The following MGST2 variants were observed in gnomAD, a reference collection of about 807,000 sequenced individuals.
MGST2 encodes the protein microsomal glutathione S-transferase 2.
Under a neutral mutation model 16.6 loss-of-function variants are expected in MGST2, and 9 were observed. The observed-to-expected ratio is 0.54, with a 90% CI of 0.33 to 0.95. The LOEUF (loss-of-function observed/expected upper bound fraction) is 0.95, where lower values mean the gene tolerates loss of function less well. MGST2 is among the 40% of genes least tolerant of loss of function. MGST2 has a pLI of 0.03. For synonymous variants in MGST2, 79 were observed against 68.0 expected (o/e 1.16, Z -0.79); for missense variants, 159 against 175.1 (o/e 0.91, Z 0.52).
intron 5 of MGST2, among the ~76,000 whole-genome samples, chr4:139,739,996 T>A (rs894712439): frequency 1.2e-4 from 18 of 152,174 alleles, no homozygotes; most frequent in Admixed American, 2.6e-4. Context: ...ACAGACATGC[T>A]TAAGTGGCAG....
At chr4:139,704,660 T>C (rs1053999495), downstream of MGST2, among the ~76,000 whole-genome samples, 48 of 152,292 alleles carry the variant, frequency 3.2e-4, no homozygotes, top group African/African-American at 1.1e-3. Context: ...TGGTGGCTCA[T>C]GCCTGTAATC....
At chr4:139,731,717 T>C (rs1262688177) in intron 5 of MGST2, among the ~76,000 whole-genome samples, 2 of 152,202 alleles carry the variant, frequency 1.3e-5, no homozygotes, top group Admixed American at 6.5e-5. Context: ...AGTCGAATGA[T>C]GGCAACTTTT....
chr4:139,682,894 A>G (rs556395601), intron 2 of MGST2, among the ~76,000 whole-genome samples: 3 of 152,128 alleles, frequency 2.0e-5, no homozygotes, highest in African/African-American at 7.2e-5. Flanking sequence ...AAGAAACTCA[A>G]CAAAGCGGGA....
chr4:139,713,404 T>A (rs1727810349), intron 5 of MGST2, among the ~76,000 whole-genome samples: 2 of 151,362 alleles, frequency 1.3e-5, no homozygotes, highest in African/African-American at 4.9e-5. Flanking sequence ...TCCTTTGTTT[T>A]TCCCAAGGAG....
rs1010632249 is a variant in MGST2, at chr4:139,704,136, G to A, written c.432G>A (p.Arg144=). The change falls in exon 5 of 5, where the codon AGG becomes AGA. Residue 144 remains arginine, a synonymous_variant. Transcript: ENST00000265498. ...YLDLNIAKKL[R]RQF ...ACCTCAATATTGCCAAGAAACTGAGGCGGCAATTCTAACTTTTTCTCTTCC... is the reference window on the plus strand; with the variant it reads ...ACCTCAATATTGCCAAGAAACTGAGACGGCAATTCTAACTTTTTCTCTTCC... The A allele has an allele frequency of 1.2e-6, 2 of 1,614,090 alleles. No individual in the cohort carries two copies. The highest frequency in any genetic ancestry group is 1.7e-6 in the Non-Finnish European group (2 of 1,180,048).
chr4:139,747,652 C>T, the MGST2 span, among the ~76,000 whole-genome samples: 1 of 151,548 alleles, frequency 6.6e-6, no homozygotes, highest in Non-Finnish European at 1.5e-5. Flanking sequence ...CGAGATAGTG[C>T]CACTGCACTC....
intron 5 of MGST2, chr4:139,725,608 A>G: frequency 1.2e-6 from 1 of 801,050 alleles, no homozygotes; most frequent in Admixed American, 2.1e-5. Flanking sequence ...CTGATTGGTT[A>G]GTACTCTTAA....
downstream of MGST2, among the ~76,000 whole-genome samples, chr4:139,708,832 G>A (rs562153262): frequency 4.0e-5 from 6 of 151,622 alleles, no homozygotes; most frequent in South Asian, 2.1e-4. Context: ...AAGAAATCCC[G>A]TCTCTACTAA....
chr4:139,673,461 G>T (rs1730808955), intron 1 of MGST2, among the ~76,000 whole-genome samples: 1 of 152,082 alleles, frequency 6.6e-6, no homozygotes, highest in African/African-American at 2.4e-5. Flanking sequence ...ACCCAGGCTG[G>T]AGTGCATTGA....
At chr4:139,737,558 T>G (rs528136056) in intron 5 of MGST2, among the ~76,000 whole-genome samples, 1 of 89,364 alleles carries the variant, frequency 1.1e-5, no homozygotes, top group Non-Finnish European at 2.2e-5. Flanking sequence ...ATATGCATCA[T>G]TTTTTTTAAT....
downstream of MGST2, among the ~76,000 whole-genome samples, chr4:139,707,817 C>A (rs564171214): frequency 3.0e-3 from 456 of 152,200 alleles, 4 homozygotes; most frequent in African/African-American, 0.011. Context: ...TGATGATGAG[C>A]ATTTTTTCAT....
intron 5 of MGST2, among the ~76,000 whole-genome samples, chr4:139,731,667 G>A (rs1728731781): frequency 6.6e-6 from 1 of 152,000 alleles, no homozygotes; most frequent in Non-Finnish European, 1.5e-5. Context: ...AACATGGGGT[G>A]TTGGATTGGG....
downstream of MGST2, chr4:139,704,341 T>A: frequency 1.5e-6 from 1 of 653,176 alleles, no homozygotes; most frequent in Non-Finnish European, 2.6e-6. Context: ...ATATCATCAG[T>A]GGAAGTGTGT....
Position 139,687,640 on chromosome 4 carries a change from A to G in MGST2, c.159-7557A>G, listed in dbSNP as rs182646208. The G allele has an allele frequency of 2.2e-3, 328 of 152,326 alleles. 2 individuals carry two copies. Among genetic ancestry groups the G allele is most frequent in the Non-Finnish European group, 3.8e-3 (259 of 68,038 alleles). 9.4% of individuals were successfully genotyped at this position (152,326 alleles called of 1,614,324 possible). A position where few individuals can be genotyped will look rare whatever the true frequency, so the allele number is the denominator to read the frequency against. On this transcript the variant is annotated intron_variant, in intron 2 of 4. Transcript: ENST00000265498. ...CAGCATAGCCAAGAAGCCCAAAGTT[A>G]TGACTAATTCTATCTTTAGGTGGAC... is the stretch of plus-strand genomic sequence containing the variant.
At chr4:139,684,057 TG>T (rs1367204860) in intron 2 of MGST2, among the ~76,000 whole-genome samples, 1 of 151,590 alleles carries the variant, frequency 6.6e-6, no homozygotes, top group Non-Finnish European at 1.5e-5. Flanking sequence ...TCCTGCGTAC[TG>T]GGACTACAGG....
chr4:139,713,232 C>T (rs1036802802), intron 5 of MGST2, among the ~76,000 whole-genome samples: 3 of 152,130 alleles, frequency 2.0e-5, no homozygotes, highest in Non-Finnish European at 2.9e-5. Flanking sequence ...ACCCCCCAAA[C>T]TCAAAACCAT....
intron 5 of MGST2, among the ~76,000 whole-genome samples, chr4:139,712,197 T>C (rs1420228998): frequency 6.6e-6 from 1 of 152,224 alleles, no homozygotes; most frequent in Admixed American, 6.5e-5. Flanking sequence ...TGATATGGGG[T>C]TGGCAGCTGA....
rs1727030431 is a variant in MGST2, at chr4:139,698,133, A to C, written c.229+2866A>C. 12 of 1,448,128 alleles carry C rather than the reference A, an allele frequency of 8.3e-6. No homozygotes were observed. In the South Asian group the frequency reaches 1.3e-4, roughly 16 times the overall value. The allele number at this position is 1,448,128 out of a possible 1,614,324, so 89.7% of individuals were successfully genotyped here. A position where few individuals can be genotyped will look rare whatever the true frequency, so the allele number is the denominator to read the frequency against. On this transcript the variant is annotated intron_variant, in intron 3 of 4. Coordinates refer to ENST00000265498, the MANE Select transcript of MGST2 (RefSeq NM_002413.5). The stretch of plus-strand genomic sequence containing the variant: ...TTTTGAGAATGAAATGTTTCCCATC[A>C]TAGTGGATTCTTAAGCACGTTCTCC...
intron 5 of MGST2, among the ~76,000 whole-genome samples, chr4:139,727,794 C>T (rs1728537184): frequency 6.6e-6 from 1 of 152,214 alleles, no homozygotes; most frequent in South Asian, 2.1e-4. Flanking sequence ...CCAAATCCTT[C>T]TGTTTTCCCT....
Sources: allele counts gnomAD v4.1 joint callset (sites outside exome capture counted in the v4.1 genomes callset), GRCh38; gene constraint gnomAD v4.1.1; transcripts MANE v1.5; gene names NCBI Gene and HGNC (gene_info 2026-07-23, HGNC 2026-07-21).